Variants in NNT observed in about 807,000 individuals in gnomAD.
NNT encodes NAD(P) transhydrogenase, mitochondrial.
In NNT, 50 loss-of-function variants were observed where a neutral mutation model predicts 104.8. The observed-to-expected ratio is 0.48, with a 90% confidence interval of 0.38 to 0.60. The LOEUF (loss-of-function observed/expected upper bound fraction) is 0.60, where lower values mean the gene tolerates loss of function less well. Ranked by LOEUF, NNT falls within the 20% of genes least tolerant of loss-of-function variation. NNT has a pLI of 0.00. For missense variants in NNT, 1,131 were observed against 1,330.7 expected (o/e 0.85, Z 2.33); for synonymous variants, 461 against 490.4 (o/e 0.94, Z 0.79).
At position 43,706,153 on chromosome 5, in the gene NNT, T is replaced by C. The variant is rs1743089187; in HGVS notation, c.*1749T>C. On this transcript the variant is annotated 3_prime_UTR_variant, in exon 22 of 22. Transcript: ENST00000344920. ...TGCCAATCCTTTGTCATCAATTGTG[T>C]TAAATGAATTGAAAATTCATGCCCT... 6.6e-6 allele frequency: 1 copy of C among 151,712 alleles called. No individual in the cohort carries two copies. Among genetic ancestry groups the C allele is most frequent in the South Asian group, 2.1e-4 (1 of 4,824 alleles). 9.4% of individuals were successfully genotyped at this position (151,712 alleles called of 1,614,324 possible). A position where few individuals can be genotyped will look rare whatever the true frequency, so the allele number is the denominator to read the frequency against.
intron 7 of NNT, among the ~76,000 whole-genome samples, chr5:43,635,580 A>G (rs140757716): frequency 2.4e-3 from 366 of 152,250 alleles, no homozygotes; most frequent in African/African-American, 8.2e-3. Flanking sequence ...TGGCTTAACC[A>G]ACAGAAATTT....
At chr5:43,649,496 G>C (rs1172675287) in intron 11 of NNT, among the ~76,000 whole-genome samples, 188 bp downstream of exon 11, 2 of 152,162 alleles carry the variant, frequency 1.3e-5, no homozygotes, top group South Asian at 4.1e-4. Context: ...CAGAGTAAGA[G>C]GCCGTGGGAG....
At chr5:43,689,005 C>T (rs113005208) in intron 19 of NNT, among the ~76,000 whole-genome samples, 197 of 152,292 alleles carry the variant, frequency 1.3e-3, no homozygotes, top group African/African-American at 4.4e-3. Flanking sequence ...GTTTACATTC[C>T]CACCAGCTGT....
At chr5:43,693,356 G>A (rs923839644) in intron 19 of NNT, among the ~76,000 whole-genome samples, 8 of 152,076 alleles carry the variant, frequency 5.3e-5, no homozygotes, top group African/African-American at 1.9e-4. Flanking sequence ...TTAGAGCTGA[G>A]GTTTAGAAAA....
At chr5:43,637,492 C>T (rs1449912998) in intron 7 of NNT, among the ~76,000 whole-genome samples, 3 of 152,126 alleles carry the variant, frequency 2.0e-5, no homozygotes, top group Non-Finnish European at 4.4e-5. Flanking sequence ...AATTCTAATA[C>T]AACCTGCCTT....
At chr5:43,643,555 A>G (rs1306010392) in intron 7 of NNT, among the ~76,000 whole-genome samples, 1 of 152,180 alleles carries the variant, frequency 6.6e-6, no homozygotes, top group Non-Finnish European at 1.5e-5. Context: ...GTAGACACCA[A>G]TACATAGTTG....
intron 17 of NNT, among the ~76,000 whole-genome samples, chr5:43,668,609 T>G (rs1469351210): frequency 7.2e-5 from 11 of 152,224 alleles, no homozygotes; most frequent in Non-Finnish European, 4.4e-5. Flanking sequence ...GTATTATTTC[T>G]GAGGGCTCTG....
intron 19 of NNT, among the ~76,000 whole-genome samples, chr5:43,686,124 G>T (rs1315652915): frequency 6.6e-6 from 1 of 151,896 alleles, no homozygotes; most frequent in Non-Finnish European, 1.5e-5. Context: ...TTTGAACTGT[G>T]CCTGGGTCTA....
chr5:43,666,154 G>C (rs952787656), intron 17 of NNT, among the ~76,000 whole-genome samples: 2 of 151,764 alleles, frequency 1.3e-5, no homozygotes, highest in African/African-American at 2.4e-5. Flanking sequence ...GACGATGGGC[G>C]GCCAGGCAGA....
chr5:43,642,929 A>G (rs886657154), intron 7 of NNT, among the ~76,000 whole-genome samples: 1 of 152,168 alleles, frequency 6.6e-6, no homozygotes, highest in African/African-American at 2.4e-5. Flanking sequence ...TATAAAAAAT[A>G]TGTATATTTT....
At chr5:43,630,751 C>T (rs1257957003) in intron 7 of NNT, among the ~76,000 whole-genome samples, 4 of 152,154 alleles carry the variant, frequency 2.6e-5, no homozygotes, top group African/African-American at 9.7e-5. Flanking sequence ...TTCTCTTCAC[C>T]TATCCTTTCC....
At chr5:43,627,774 G>C (rs1231449924) in intron 6 of NNT, among the ~76,000 whole-genome samples, 1 of 152,108 alleles carries the variant, frequency 6.6e-6, no homozygotes, top group Non-Finnish European at 1.5e-5. Flanking sequence ...CATATAAAGA[G>C]TTATTTTTGT....
At chr5:43,617,048 G>A (rs747088119) in intron 4 of NNT, among the ~76,000 whole-genome samples, 2 of 152,110 alleles carry the variant, frequency 1.3e-5, no homozygotes, top group African/African-American at 2.4e-5. Flanking sequence ...TTATATTTTA[G>A]CATAGGAAAT....
chr5:43,706,177 C>T lies in NNT; in HGVS notation c.*1773C>T, dbSNP rs1370166778. 1 of 151,386 alleles carries T rather than the reference C, an allele frequency of 6.6e-6. No individual in the cohort carries two copies. Among genetic ancestry groups the T allele is most frequent in the African/African-American group, 2.4e-5 (1 of 41,346 alleles). 9.4% of individuals were successfully genotyped at this position (151,386 alleles called of 1,614,324 possible). The stretch of plus-strand genomic sequence containing the variant: ...GTTAAATGAATTGAAAATTCATGCC[C>T]TGTTCATTTTATTTTACTTTATTGG... On this transcript the variant is annotated 3_prime_UTR_variant, in exon 22 of 22. Transcript: ENST00000344920.
rs1347705302 is a variant in NNT at position 43,704,381 on chromosome 5, G to A, written c.3238G>A (p.Val1080Ile). 1.2e-6 allele frequency: 2 copies of A among 1,613,702 alleles called. No individual in the cohort carries two copies. The highest frequency in any genetic ancestry group is 1.7e-6 in the Non-Finnish European group (2 of 1,179,714). ...KKTCDALQAK[V>I]RESYQK ...AACATGTGACGCGCTCCAGGCGAAA[G>A]TTAGAGAATCCTATCAGAAGTAAAT... Residue 1080 changes from valine (V) to isoleucine (I), a missense_variant, in exon 22 of 22, where the codon GTT (valine) becomes ATT (isoleucine). Val to Ile is a conservative substitution (Grantham distance 29, BLOSUM62 3). Transcript: ENST00000344920.
chr5:43,685,867 T>C (rs918008365), intron 19 of NNT, among the ~76,000 whole-genome samples: 2 of 152,136 alleles, frequency 1.3e-5, no homozygotes, highest in African/African-American at 4.8e-5. Context: ...TTAAAACATG[T>C]GGTATCTGAA....
At chr5:43,639,829 A>G (rs922309671) in intron 7 of NNT, among the ~76,000 whole-genome samples, 3 of 152,144 alleles carry the variant, frequency 2.0e-5, no homozygotes, top group South Asian at 4.1e-4. Flanking sequence ...GTTGGATATC[A>G]TGCCAAATCC....
chr5:43,671,949 A>T (rs894226751), intron 17 of NNT, among the ~76,000 whole-genome samples: 11 of 152,174 alleles, frequency 7.2e-5, no homozygotes, highest in African/African-American at 2.4e-4. Flanking sequence ...GTCTTTTCAC[A>T]TAGTCCCATA....
chr5:43,605,744 G>T (rs1749188943), intron 1 of NNT, among the ~76,000 whole-genome samples: 1 of 152,008 alleles, frequency 6.6e-6, no homozygotes, highest in South Asian at 2.1e-4. Flanking sequence ...CTATCTTTCA[G>T]GGCCATTTGT....
Sources: gnomAD v4.1 joint callset for allele counts (sites outside exome capture counted in the v4.1 genomes callset) on GRCh38, gnomAD v4.1.1 for gene constraint, MANE v1.5 for transcripts, NCBI Gene and HGNC (gene_info 2026-07-23, HGNC 2026-07-21) for gene names.